The following ATAD2B variants were observed in gnomAD, a reference collection of about 807,000 sequenced individuals.
ATAD2B encodes ATPase family AAA domain-containing protein 2B.
Under a neutral mutation model 167.6 loss-of-function variants are expected in ATAD2B, and 40 were observed. That is an observed-to-expected ratio of 0.24 (90% CI 0.19 to 0.31). ATAD2B has a LOEUF of 0.31. ATAD2B is among the 10% of genes least tolerant of loss of function. The probability of loss-of-function intolerance (pLI) is 1.00; values close to 1 mark genes in which losing one functional copy is unlikely to be tolerated. For missense variants in ATAD2B, 1,242 were observed against 1,757.2 expected, an observed-to-expected ratio of 0.71 and a Z score of 5.24; for synonymous variants, 579 against 596.5, an observed-to-expected ratio of 0.97 and a Z score of 0.43.
At chr2:23,688,309 G>A in the ATAD2B span, among the ~76,000 whole-genome samples, 1 of 152,204 alleles carries the variant, frequency 6.6e-6, no homozygotes, top group South Asian at 2.1e-4. Flanking sequence ...TCTGAGCAGA[G>A]CTGGGTACCA....
chr2:23,897,022 C>T (rs968723134), intron 1 of ATAD2B, among the ~76,000 whole-genome samples: 3 of 151,998 alleles, frequency 2.0e-5, no homozygotes, highest in Non-Finnish European at 2.9e-5. Context: ...CCCAGCTACT[C>T]GGGAGGCTGA....
intron 8 of ATAD2B, among the ~76,000 whole-genome samples, chr2:23,874,779 G>A (rs140441473): frequency 1.2e-3 from 179 of 152,120 alleles, no homozygotes; most frequent in Non-Finnish European, 1.9e-3. Flanking sequence ...AATTAGGGCC[G>A]GGTGTGGTGG....
At position 23,927,064 on chromosome 2, in the gene ATAD2B, T is replaced by C; in HGVS notation, c.-294A>G. ...CGGAGCCGCCATTTCTACCCCTTTC[T>C]CTCCCGTTCTCGCTCTCGAGCTCCG... is the stretch of plus-strand genomic sequence containing the variant. On this transcript the variant is annotated 5_prime_UTR_variant, in exon 1 of 28. Coordinates refer to ENST00000238789, the MANE Select transcript of ATAD2B (RefSeq NM_017552.4). The C allele has an allele frequency of 5.3e-6, 2 of 373,954 alleles. No homozygotes were observed. Among genetic ancestry groups the C allele is most frequent in the East Asian group, 4.6e-5 (1 of 21,786 alleles). 23.2% of individuals were successfully genotyped at this position (373,954 alleles called of 1,614,324 possible).
intron 18 of ATAD2B, among the ~76,000 whole-genome samples, chr2:23,803,977 G>A (rs1220630021): frequency 2.0e-5 from 3 of 152,134 alleles, no homozygotes; most frequent in Non-Finnish European, 2.9e-5. Context: ...ATTACACATC[G>A]ATTTAGAGAG....
At chr2:23,816,074 C>T (rs1558586474) in intron 17 of ATAD2B, among the ~76,000 whole-genome samples, 1 of 152,088 alleles carries the variant, frequency 6.6e-6, no homozygotes, top group South Asian at 2.1e-4. Context: ...TATGAAAGAA[C>T]AAATGAACAA....
Position 23,751,862 on chromosome 2 carries a change from T to C in ATAD2B, c.*184A>G. ...TGTTTCTGAAGTTCTGTTTGGTTCT[T>C]GTAGGCTGGTTGGTTTCAGGTACCT... is the stretch of plus-strand genomic sequence containing the variant. On this transcript the variant is annotated 3_prime_UTR_variant, in exon 28 of 28. Transcript: ENST00000238789. The C allele has an allele frequency of 1.7e-6, 1 of 588,854 alleles. No individual in the cohort carries two copies. The highest frequency in any genetic ancestry group is 3.0e-6 in the Non-Finnish European group (1 of 328,278). The allele number at this position is 588,854 out of a possible 1,614,324, so 36.5% of individuals were successfully genotyped here. A position where few individuals can be genotyped will look rare whatever the true frequency, so the allele number is the denominator to read the frequency against.
At chr2:23,870,902 C>T (rs368340769) in intron 8 of ATAD2B, among the ~76,000 whole-genome samples, 13 of 151,854 alleles carry the variant, frequency 8.6e-5, no homozygotes, top group Admixed American at 7.2e-4. Flanking sequence ...GAAGTCATCA[C>T]GAAGGAAAAA....
At chr2:23,798,078 C>T (rs941468100) in intron 19 of ATAD2B, 60 bp downstream of exon 19, 1 of 1,136,114 alleles carries the variant, frequency 8.8e-7, no homozygotes, top group Admixed American at 3.1e-5. Context: ...GTCCAATTTA[C>T]AGAGTCAACT....
chr2:23,873,432 A>G (rs1173125747), intron 8 of ATAD2B, among the ~76,000 whole-genome samples: 4 of 152,240 alleles, frequency 2.6e-5, no homozygotes, highest in Non-Finnish European at 5.9e-5. Flanking sequence ...AGTATGCTTA[A>G]GTCCCTTACA....
chr2:23,688,854 G>A, the ATAD2B span: 2 of 152,426 alleles, frequency 1.3e-5, no homozygotes, highest in South Asian at 2.1e-4. Flanking sequence ...AATGGCTTGG[G>A]GCAGGGACAG....
rs1037687376 is a variant in ATAD2B, at chr2:23,786,212, T to C, written c.2788A>G (p.Met930Val). Residue 930 changes from methionine to valine, a missense_variant, in exon 21 of 28, where the codon ATG becomes GTG. Physicochemically the swap from Met to Val is conservative, Grantham distance 21 (BLOSUM62 1). Transcript: ENST00000238789. Reference protein sequence around the residue: ...PRRKHAALCAMEVLPLALPSP... With the variant: ...PRRKHAALCAVEVLPLALPSP... ...GGTAGTGCAAGAGGAAGCACTTCCA[T>C]AGCACAAAGAGCTAGAGAAAACAGA... 7 of 1,577,250 alleles carry C rather than the reference T, an allele frequency of 4.4e-6. No homozygotes were observed. The highest frequency in any genetic ancestry group is 1.7e-4 in the Middle Eastern group (1 of 6,046).
chr2:23,804,675 A>G (rs78649756), intron 18 of ATAD2B, among the ~76,000 whole-genome samples: 2 of 124,160 alleles, frequency 1.6e-5, no homozygotes, highest in South Asian at 4.9e-4. Context: ...AAAAATCAGG[A>G]AAAAAAAAAA....
chr2:23,820,391 TA>T (rs1286129969), intron 16 of ATAD2B, among the ~76,000 whole-genome samples: 2 of 152,132 alleles, frequency 1.3e-5, no homozygotes, highest in Non-Finnish European at 2.9e-5. Context: ...AAGCTAATCT[TA>T]AAAATACACT....
intron 15 of ATAD2B, among the ~76,000 whole-genome samples, chr2:23,826,048 C>T (rs1042993014): frequency 2.0e-4 from 30 of 152,108 alleles, no homozygotes; most frequent in South Asian, 4.1e-4. Context: ...CAGTTTATAT[C>T]TGTGGTTCTC....
chr2:23,698,365 A>C, the ATAD2B span, among the ~76,000 whole-genome samples: 301 of 152,306 alleles, frequency 2.0e-3, 3 homozygotes, highest in African/African-American at 7.0e-3. Flanking sequence ...AGGGGAAGGA[A>C]CGCTCACTGC....
At chr2:23,703,766 C>T in the ATAD2B span, 24 of 1,537,196 alleles carry the variant, frequency 1.6e-5, no homozygotes, top group Non-Finnish European at 2.1e-5. Flanking sequence ...CGTTTTCATC[C>T]TGGGCGGGGC....
At chr2:23,911,844 G>A (rs1021906280) in intron 1 of ATAD2B, among the ~76,000 whole-genome samples, 4 of 151,842 alleles carry the variant, frequency 2.6e-5, no homozygotes, top group African/African-American at 9.7e-5. Context: ...GTGTGGTGGT[G>A]CATGCCTGTA....
At chr2:23,713,120 G>A in the ATAD2B span, among the ~76,000 whole-genome samples, 1 of 152,276 alleles carries the variant, frequency 6.6e-6, no homozygotes, top group Admixed American at 6.5e-5. Flanking sequence ...TTTGCCATTA[G>A]AAGTTTTAGT....
At chr2:23,838,148 A>C (rs928691281) in intron 13 of ATAD2B, among the ~76,000 whole-genome samples, 2 of 152,230 alleles carry the variant, frequency 1.3e-5, no homozygotes, top group African/African-American at 4.8e-5. Context: ...TACCCAGTGT[A>C]TGTGTGAAGG....
Sources: gnomAD v4.1 joint callset for allele counts (sites outside exome capture counted in the v4.1 genomes callset) on GRCh38, gnomAD v4.1.1 for gene constraint, MANE v1.5 for transcripts, NCBI Gene and HGNC (gene_info 2026-07-23, HGNC 2026-07-21) for gene names.